Variants in NRG3 observed in about 807,000 individuals in gnomAD.
NRG3 encodes the protein neuregulin 3, also known as pro-neuregulin-3, membrane-bound isoform.
A neutral mutation model predicts 66.9 loss-of-function variants in NRG3; 31 were observed. The ratio of observed to expected loss-of-function variants is 0.46; its 90% CI spans 0.35 to 0.63. The LOEUF is 0.63. Ranked by LOEUF, NRG3 falls within the 20% of genes least tolerant of loss-of-function variation. NRG3 has a pLI of 0.00. For missense variants in NRG3, 910 were observed against 878.9 expected (o/e 1.04, Z -0.45); for synonymous variants, 393 against 359.4 (o/e 1.09, Z -1.06).
At chr10:82,959,130 C>T (rs1850364122) in intron 6 of NRG3, 55 bp downstream of exon 6, 1 of 1,499,936 alleles carries the variant, frequency 6.7e-7, no homozygotes, top group Non-Finnish European at 8.9e-7. Context: ...GCTTCCAGCT[C>T]AGAGGTGTTG....
intron 3 of NRG3, among the ~76,000 whole-genome samples, chr10:82,857,561 A>T (rs982815391): frequency 6.6e-6 from 1 of 151,964 alleles, no homozygotes; most frequent in Admixed American, 6.6e-5. Context: ...CCACAGATAG[A>T]CTCCTGATTT....
At chr10:82,236,536 T>C (rs1416108318) in intron 1 of NRG3, among the ~76,000 whole-genome samples, 2 of 152,140 alleles carry the variant, frequency 1.3e-5, no homozygotes, top group African/African-American at 2.4e-5. Context: ...TCTGAGTCAT[T>C]ACTGCTGTTC....
intron 3 of NRG3, among the ~76,000 whole-genome samples, chr10:82,832,227 G>A (rs925035242): frequency 4.6e-5 from 7 of 152,140 alleles, no homozygotes; most frequent in Non-Finnish European, 1.0e-4. Context: ...TGCTGTGACC[G>A]TCCTTTAGCT....
At chr10:82,223,696 A>T (rs923455816) in intron 1 of NRG3, among the ~76,000 whole-genome samples, 1 of 141,080 alleles carries the variant, frequency 7.1e-6, no homozygotes, top group African/African-American at 2.7e-5. Flanking sequence ...CACACCACCC[A>T]CGTTCTTCTG....
In NRG3 at chr10:82,263,432, T is replaced by C. The variant is rs1006764294; in HGVS notation, c.824-95307T>C. Among the ~76,000 whole-genome samples the C allele has an allele frequency of 4.6e-5, 7 of 152,338 alleles. 1 individual carries two copies. The East Asian group carries it at 1.4e-3, about 29-fold the overall frequency. On this transcript the variant is annotated intron_variant, in intron 1 of 8. Coordinates refer to ENST00000372141, the MANE Select transcript of NRG3 (RefSeq NM_001010848.4). ...TATCCTCCAAATCATTTTCTTCCAG[T>C]GTGCTAAGATTATAGCCTTTAGCTA...
intron 4 of NRG3, among the ~76,000 whole-genome samples, chr10:82,937,014 G>C (rs1317485441): frequency 6.6e-6 from 1 of 152,110 alleles, no homozygotes; most frequent in African/African-American, 2.4e-5. Context: ...TATTATTGCT[G>C]TGACTATCAT....
intron 2 of NRG3, among the ~76,000 whole-genome samples, chr10:82,516,695 A>G (rs966868937): frequency 2.0e-5 from 3 of 152,224 alleles, no homozygotes; most frequent in Admixed American, 2.0e-4. Flanking sequence ...CATTTGTACC[A>G]GGATAATTCT....
At chr10:82,730,088 C>CTTT (rs531254299) in intron 2 of NRG3, among the ~76,000 whole-genome samples, 1 of 132,808 alleles carries the variant, frequency 7.5e-6, no homozygotes. Context: ...TTTTTTTTTC[C>CTTT]TTTTTTTTTT....
At chr10:82,984,278 A>G (rs571188344) in intron 8 of NRG3, among the ~76,000 whole-genome samples, 2 of 152,364 alleles carry the variant, frequency 1.3e-5, no homozygotes, top group African/African-American at 4.8e-5. Flanking sequence ...AAGGGAACTT[A>G]GAAGATTCTG....
intron 1 of NRG3, among the ~76,000 whole-genome samples, chr10:82,116,813 A>G (rs1384081405): frequency 6.6e-6 from 1 of 152,110 alleles, no homozygotes; most frequent in African/African-American, 2.4e-5. Flanking sequence ...TGCCCGATTT[A>G]TAGAAGAAAG....
rs55670416 is a variant in NRG3 at position 81,935,876 on chromosome 10, AACACACACACACACACACAC to A, written c.823+59743_823+59762del. ...TTTTCATTATACTTTTCAGTGCCTGAACACACACACACACACACACACACACACACACACACACACACACA... is the reference window on the plus strand; with the variant it reads ...TTTTCATTATACTTTTCAGTGCCTGAACACACACACACACACACACACACA... On this transcript the variant is annotated intron_variant, in intron 1 of 8. Coordinates refer to ENST00000372141, the MANE Select transcript of NRG3 (RefSeq NM_001010848.4). Among the ~76,000 whole-genome samples the A allele has an allele frequency of 3.5e-4, 46 of 132,518 alleles. No homozygotes were observed. In the South Asian group the frequency reaches 4.6e-3, roughly 13 times the overall value. 86.9% of individuals were successfully genotyped at this position (132,518 alleles called of 152,430 possible).
At chr10:82,335,590 G>C (rs2082347652) in intron 1 of NRG3, among the ~76,000 whole-genome samples, 1 of 152,076 alleles carries the variant, frequency 6.6e-6, no homozygotes, top group Admixed American at 6.5e-5. Flanking sequence ...GCAGCATTGA[G>C]CCATGATCAT....
chr10:81,913,456 C>T (rs551292162), intron 1 of NRG3, among the ~76,000 whole-genome samples: 2 of 151,798 alleles, frequency 1.3e-5, no homozygotes, highest in Non-Finnish European at 2.9e-5. Flanking sequence ...CAGAGTCTCA[C>T]TCTGCTTTCC....
intron 3 of NRG3, among the ~76,000 whole-genome samples, chr10:82,784,678 T>C (rs2060268550): frequency 6.6e-6 from 1 of 151,970 alleles, no homozygotes; most frequent in Non-Finnish European, 1.5e-5. Flanking sequence ...CCAGTTAGAA[T>C]GGCAATCATT....
Position 82,260,384 on chromosome 10 carries a change from C to A in NRG3, c.824-98355C>A, listed in dbSNP as rs144777038. On this transcript the variant is annotated intron_variant, in intron 1 of 8. Coordinates refer to ENST00000372141, the MANE Select transcript of NRG3 (RefSeq NM_001010848.4). Reference sequence around the variant, plus strand: ...TTTCTTGGAGCATCAGGAAGGGATTCTTAGAAGTGACATGTGCCCTGGATT... The same window carrying A: ...TTTCTTGGAGCATCAGGAAGGGATTATTAGAAGTGACATGTGCCCTGGATT... 7.2e-5 allele frequency among the ~76,000 whole-genome samples: 11 copies of A among 152,264 alleles called. No homozygotes were observed. The East Asian group carries it at 2.1e-3, about 29-fold the overall frequency.
At chr10:82,055,572 C>A (rs2063806727) in intron 1 of NRG3, among the ~76,000 whole-genome samples, 2 of 151,570 alleles carry the variant, frequency 1.3e-5, no homozygotes, top group African/African-American at 4.8e-5. Flanking sequence ...TGGAAAAAGG[C>A]AAATTGGTGG....
chr10:82,810,953 T>G (rs1361231387), intron 3 of NRG3, among the ~76,000 whole-genome samples: 1 of 152,190 alleles, frequency 6.6e-6, no homozygotes, highest in Non-Finnish European at 1.5e-5. Flanking sequence ...TAAAATATAC[T>G]ACTGCCCTAC....
At chr10:82,549,411 T>G (rs550029792) in intron 2 of NRG3, among the ~76,000 whole-genome samples, 3 of 152,246 alleles carry the variant, frequency 2.0e-5, no homozygotes, top group African/African-American at 7.2e-5. Flanking sequence ...ACGAAATGGT[T>G]TCAAGTAATC....
chr10:82,260,030 A>G (rs1205814048), intron 1 of NRG3, among the ~76,000 whole-genome samples: 3 of 152,212 alleles, frequency 2.0e-5, no homozygotes, highest in African/African-American at 7.2e-5. Flanking sequence ...TGTTGCTACA[A>G]TGCCATACTT....
Sources: allele counts gnomAD v4.1 joint callset (sites outside exome capture counted in the v4.1 genomes callset), GRCh38; gene constraint gnomAD v4.1.1; transcripts MANE v1.5; gene names NCBI Gene and HGNC (gene_info 2026-07-23, HGNC 2026-07-21).